The following SIMC1 variants were observed in gnomAD, a reference collection of about 807,000 sequenced individuals.
SIMC1 encodes SUMO interacting motifs containing 1.
In SIMC1, 55 loss-of-function variants were observed where a neutral mutation model predicts 82.3. That is an observed-to-expected ratio of 0.67 (90% CI 0.54 to 0.84). SIMC1 has a LOEUF of 0.84. Among genes scored for constraint, SIMC1 ranks in the 40% least tolerant of loss-of-function variants. The pLI is 0.00. For missense variants in SIMC1, 915 were observed against 1,107.2 expected (o/e 0.83, Z 2.46); for synonymous variants, 353 against 426.3 (o/e 0.83, Z 2.12).
intron 4 of SIMC1, among the ~76,000 whole-genome samples, chr5:176,302,016 T>C (rs982367697): frequency 3.3e-5 from 5 of 152,212 alleles, no homozygotes; most frequent in South Asian, 2.1e-4. Flanking sequence ...CATCCTCTTA[T>C]ATACTTCAAA....
chr5:176,308,801 A>C (rs529194638), intron 4 of SIMC1: 1 of 1,240,298 alleles, frequency 8.1e-7, no homozygotes, highest in African/African-American at 1.5e-5. Context: ...AGCAGGATGC[A>C]TATTGGAGGA....
At chr5:176,316,111 G>A (rs1764890834) in intron 5 of SIMC1, among the ~76,000 whole-genome samples, 2 of 151,586 alleles carry the variant, frequency 1.3e-5, no homozygotes, top group Non-Finnish European at 2.9e-5. Context: ...AGTGGCAGAG[G>A]TTGCAGTAAG....
Position 176,319,505 on chromosome 5 carries a change from A to G in SIMC1, c.1890-2768A>G, listed in dbSNP as rs1489405327. On this transcript the variant is annotated intron_variant, in intron 5 of 9. Coordinates refer to ENST00000429602, the MANE Select transcript of SIMC1 (RefSeq NM_001308195.2). ...GGCACCACTGCACTCCAGCCTGGAC[A>G]ACGGAGCAAGCCCTCATCTCTAAAA... Among the ~76,000 whole-genome samples, 4 of 152,110 alleles carry G rather than the reference A, an allele frequency of 2.6e-5. No individual in the cohort carries two copies. In the East Asian group the frequency reaches 5.8e-4, roughly 22 times the overall value.
Position 176,289,984 on chromosome 5 carries a change from G to A in SIMC1, c.460G>A (p.Val154Ile). ...CGCTACATCCATCAGTGGAGGCTCTGTTTATCCAACAGAGCCTAATTGTAG... is the reference window on the plus strand; with the variant it reads ...CGCTACATCCATCAGTGGAGGCTCTATTTATCCAACAGAGCCTAATTGTAG... ...PPATSISGGS[V>I]YPTEPNCSSA... Residue 154 changes from valine to isoleucine, a missense_variant, in exon 2 of 10, where the codon GTT becomes ATT. Transcript: ENST00000429602. 3 of 1,613,840 alleles carry A rather than the reference G, an allele frequency of 1.9e-6. No homozygotes were observed. Among genetic ancestry groups the A allele is most frequent in the Non-Finnish European group, 2.5e-6 (3 of 1,179,824 alleles).
intron 5 of SIMC1, among the ~76,000 whole-genome samples, chr5:176,319,965 T>C (rs1292669372): frequency 6.6e-6 from 1 of 152,182 alleles, no homozygotes; most frequent in African/African-American, 2.4e-5. Flanking sequence ...AGAGGACTTG[T>C]CATTTCTGCA....
intron 1 of SIMC1, among the ~76,000 whole-genome samples, chr5:176,288,396 G>A (rs991376573): frequency 2.7e-5 from 4 of 150,064 alleles, no homozygotes; most frequent in Admixed American, 6.7e-5. Flanking sequence ...CTAACAGAGC[G>A]AGACTCCATC....
intron 4 of SIMC1, among the ~76,000 whole-genome samples, chr5:176,310,843 G>A (rs929110148): frequency 4.0e-5 from 6 of 151,884 alleles, no homozygotes; most frequent in Admixed American, 6.6e-5. Flanking sequence ...AAAATCTGGT[G>A]ATAATGAATA....
At chr5:176,285,488 CAAAAT>C (rs1166359347) in intron 1 of SIMC1, among the ~76,000 whole-genome samples, 2 of 152,164 alleles carry the variant, frequency 1.3e-5, no homozygotes, top group African/African-American at 4.8e-5. Flanking sequence ...GGACGTATCT[CAAAAT>C]AATAAGAGCT....
intron 1 of SIMC1, among the ~76,000 whole-genome samples, chr5:176,258,243 G>T (rs1197099605): frequency 6.6e-6 from 1 of 151,900 alleles, no homozygotes. Flanking sequence ...TTTATGCCAG[G>T]TACCATGTCA....
intron 4 of SIMC1, chr5:176,308,907 C>A: frequency 7.7e-7 from 1 of 1,305,430 alleles, no homozygotes; most frequent in Non-Finnish European, 1.1e-6. Flanking sequence ...GTCAGCGGGC[C>A]TCTTCTACAG....
At chr5:176,299,045 C>T (rs1431325794) in intron 4 of SIMC1, among the ~76,000 whole-genome samples, 1 of 152,176 alleles carries the variant, frequency 6.6e-6, no homozygotes, top group East Asian at 1.9e-4. Flanking sequence ...GGACTAAAAA[C>T]CAGGATCCAA....
chr5:176,279,934 A>G (rs374243632), intron 1 of SIMC1, among the ~76,000 whole-genome samples: 17,688 of 151,908 alleles, frequency 0.12, 1,084 homozygotes, highest in Admixed American at 0.15. Context: ...GCGGTGCTGA[A>G]AAAAATGTAT....
chr5:176,279,874 G>A (rs1762901561), intron 1 of SIMC1, among the ~76,000 whole-genome samples: 1 of 152,112 alleles, frequency 6.6e-6, no homozygotes, highest in South Asian at 2.1e-4. Flanking sequence ...TACATTTTCT[G>A]AGGAGAGCTT....
intron 1 of SIMC1, among the ~76,000 whole-genome samples, chr5:176,248,730 T>C (rs1468018969): frequency 2.0e-5 from 3 of 152,122 alleles, no homozygotes; most frequent in Admixed American, 1.3e-4. Context: ...CAGTATGATA[T>C]TGGCTGTGGG....
chr5:176,335,165 G>T (rs1209062310), intron 7 of SIMC1, among the ~76,000 whole-genome samples: 1 of 151,356 alleles, frequency 6.6e-6, no homozygotes, highest in Non-Finnish European at 1.5e-5. Context: ...CCTGAAAATG[G>T]TTGTTTTCTA....
At chr5:176,242,146 T>C (rs1761297241) in intron 1 of SIMC1, among the ~76,000 whole-genome samples, 1 of 152,104 alleles carries the variant, frequency 6.6e-6, no homozygotes, top group Non-Finnish European at 1.5e-5. Context: ...GCGTTTTAAG[T>C]GGATCCTCAC....
At chr5:176,279,480 C>G (rs566953117) in intron 1 of SIMC1, among the ~76,000 whole-genome samples, 6,460 of 151,650 alleles carry the variant, frequency 0.043, 446 homozygotes, top group African/African-American at 0.15. Context: ...TCCTTCAGTT[C>G]TGCTCTGATT....
intron 1 of SIMC1, among the ~76,000 whole-genome samples, chr5:176,273,886 T>C (rs1762560156): frequency 6.6e-6 from 1 of 152,046 alleles, no homozygotes; most frequent in Admixed American, 6.6e-5. Flanking sequence ...TGCCACATTT[T>C]CTTAATCCAG....
chr5:176,345,436 C>T lies in SIMC1; in HGVS notation c.2667C>T (p.Ser889=), dbSNP rs755511730. Residue 889 remains serine (S), a synonymous_variant, in exon 10 of 10, where the codon AGC becomes AGT. Transcript: ENST00000429602. The part of the protein sequence containing the change: ...PDAEPFQKGW[S]GS ...CAGAGCCCTTTCAAAAGGGCTGGAG[C>T]GGCTCCTGAGGGCCTGCCAAGCACT... 6.8e-6 allele frequency: 11 copies of T among 1,612,488 alleles called. No individual in the cohort carries two copies. The highest frequency in any genetic ancestry group is 3.3e-5 in the South Asian group (3 of 91,006).
Sources: gnomAD v4.1 joint callset for allele counts (sites outside exome capture counted in the v4.1 genomes callset) on GRCh38, gnomAD v4.1.1 for gene constraint, MANE v1.5 for transcripts, NCBI Gene and HGNC (gene_info 2026-07-23, HGNC 2026-07-21) for gene names.